MAP3K1: variants seen among roughly 807,000 people sequenced by gnomAD.
MAP3K1 encodes MAP/ERK kinase kinase 1.
A neutral mutation model predicts 144.2 loss-of-function variants in MAP3K1; 36 were observed. The ratio of observed to expected loss-of-function variants is 0.25; its 90% CI spans 0.19 to 0.33. MAP3K1 has a LOEUF of 0.33. MAP3K1 is among the 10% of genes least tolerant of loss of function. The pLI is 1.00. For synonymous variants in MAP3K1, 718 were observed against 688.7 expected, an observed-to-expected ratio of 1.04 and a Z score of -0.67; for missense variants, 1,650 against 1,881.9, an observed-to-expected ratio of 0.88 and a Z score of 2.28.
At position 56,895,576 on chromosome 5, in the gene MAP3K1, A is replaced by G. The variant is rs989049827; in HGVS notation, c.*1896A>G. ...TATTACTTTGTAGATCACCATGCCC[A>G]CCACATTTCAAACTCAAACTATCTG... On this transcript the variant is annotated 3_prime_UTR_variant, in exon 20 of 20. Coordinates refer to ENST00000399503, the MANE Select transcript of MAP3K1 (RefSeq NM_005921.2). The G allele has an allele frequency of 1.7e-5, 4 of 232,258 alleles. No individual in the cohort carries two copies. Among genetic ancestry groups the G allele is most frequent in the Admixed American group, 5.6e-5 (1 of 17,754 alleles). The allele number at this position is 232,258 out of a possible 1,614,324, so 14.4% of individuals were successfully genotyped here.
chr5:56,845,945 T>TG (rs1287110326), intron 1 of MAP3K1, among the ~76,000 whole-genome samples: 2 of 152,180 alleles, frequency 1.3e-5, no homozygotes, highest in African/African-American at 2.4e-5. Context: ...TCTGAGTTTC[T>TG]CCCCGCAGGG....
In MAP3K1 at chr5:56,882,241, T is replaced by C; in HGVS notation, c.3041T>C (p.Ile1014Thr). Residue 1014 changes from isoleucine (I) to threonine (T), a missense_variant, in exon 14 of 20, where the codon ATA (isoleucine) becomes ACA (threonine). Coordinates refer to ENST00000399503, the MANE Select transcript of MAP3K1 (RefSeq NM_005921.2). Reference sequence around the variant, plus strand: ...CTTCAGGGATTCATTCCCTGCAGAATACCTTCTGCATCTCCTCAAACACAG... The same window carrying C: ...CTTCAGGGATTCATTCCCTGCAGAACACCTTCTGCATCTCCTCAAACACAG... The part of the protein sequence containing the change: ...HRLQGFIPCR[I>T]PSASPQTQRK... 6.2e-7 allele frequency: 1 copy of C among 1,614,008 alleles called. No homozygotes were observed. The highest frequency in any genetic ancestry group is 8.5e-7 in the Non-Finnish European group (1 of 1,179,868).
At chr5:56,855,405 A>C (rs1055170425) in intron 1 of MAP3K1, among the ~76,000 whole-genome samples, 1 of 152,180 alleles carries the variant, frequency 6.6e-6, no homozygotes, top group African/African-American at 2.4e-5. Context: ...CCTATTTGCA[A>C]GTTTCAAACC....
At chr5:56,836,746 A>G (rs144567787) in intron 1 of MAP3K1, among the ~76,000 whole-genome samples, 3 of 152,236 alleles carry the variant, frequency 2.0e-5, no homozygotes, top group South Asian at 2.1e-4. Flanking sequence ...TTTTGGCCCT[A>G]TCCATCCAGC....
At chr5:56,817,936 A>G (rs1381469731) in intron 1 of MAP3K1, among the ~76,000 whole-genome samples, 2 of 152,210 alleles carry the variant, frequency 1.3e-5, no homozygotes, top group African/African-American at 4.8e-5. Flanking sequence ...TAAGTAATCC[A>G]TGCTTAGTAT....
chr5:56,836,766 T>C (rs547363921), intron 1 of MAP3K1, among the ~76,000 whole-genome samples: 2 of 152,298 alleles, frequency 1.3e-5, no homozygotes, highest in Non-Finnish European at 2.9e-5. Context: ...CATACTTCTT[T>C]TAGGGGACTG....
At chr5:56,846,044 A>G (rs1746987983) in intron 1 of MAP3K1, among the ~76,000 whole-genome samples, 1 of 152,238 alleles carries the variant, frequency 6.6e-6, no homozygotes, top group African/African-American at 2.4e-5. Flanking sequence ...AGCAATATTT[A>G]GTCTAAGTAG....
rs1379081908 is a variant in MAP3K1 at position 56,856,728 on chromosome 5, G to A, written c.611G>A (p.Arg204Lys). ...GCCTGGAAGCACGAATGGTTGGAAA[G>A]GAGAAATAGGCGAGGGCCTGTGGTA... The part of the protein sequence containing the change: ...MPAWKHEWLE[R>K]RNRRGPVVVK... Residue 204 changes from arginine to lysine, a missense_variant, in exon 2 of 20, where the codon AGG becomes AAG. Coordinates refer to ENST00000399503, the MANE Select transcript of MAP3K1 (RefSeq NM_005921.2). 9.3e-6 allele frequency: 15 copies of A among 1,613,892 alleles called. No individual in the cohort carries two copies. Among genetic ancestry groups the A allele is most frequent in the Non-Finnish European group, 1.3e-5 (15 of 1,179,898 alleles).
In MAP3K1 at chr5:56,858,605, C is replaced by T. The variant is rs555544697; in HGVS notation, c.634-1110C>T. Among the ~76,000 whole-genome samples, 36 of 152,192 alleles carry T rather than the reference C, an allele frequency of 2.4e-4. 1 individual carries two copies. The South Asian group carries it at 7.3e-3, about 31-fold the overall frequency. On this transcript the variant is annotated intron_variant, in intron 2 of 19. Coordinates refer to ENST00000399503, the MANE Select transcript of MAP3K1 (RefSeq NM_005921.2). The stretch of plus-strand genomic sequence containing the variant: ...AAGTTGTGTCAAATCATTCTTGAAA[C>T]ATAAAGGGTAAATATCTCCAAATGG...
intron 10 of MAP3K1, among the ~76,000 whole-genome samples, chr5:56,876,604 C>T (rs1748039902): frequency 6.6e-6 from 1 of 152,206 alleles, no homozygotes; most frequent in Non-Finnish European, 1.5e-5. Flanking sequence ...AATCTGAACA[C>T]ATGATCAAGA....
At chr5:56,825,517 A>G (rs1746286284) in intron 1 of MAP3K1, among the ~76,000 whole-genome samples, 1 of 152,116 alleles carries the variant, frequency 6.6e-6, no homozygotes, top group Admixed American at 6.5e-5. Context: ...TCCAGGAGGG[A>G]CCCCTCTGCC....
At chr5:56,878,900 C>T (rs1179886638) in intron 10 of MAP3K1, 80 bp from the exon 11 acceptor site, 3 of 1,283,042 alleles carry the variant, frequency 2.3e-6, no homozygotes, top group Non-Finnish European at 3.4e-6. Flanking sequence ...TATTTTGTTG[C>T]TCAAATTGTC....
chr5:56,834,856 T>C (rs12658532), intron 1 of MAP3K1, among the ~76,000 whole-genome samples: 3,871 of 152,360 alleles, frequency 0.025, 71 homozygotes, highest in South Asian at 0.069. Flanking sequence ...TTTACTTATA[T>C]ACAGCTTTTA....
intron 5 of MAP3K1, 44 bp downstream of exon 5, chr5:56,865,500 T>A (rs1270125016): frequency 1.9e-6 from 2 of 1,078,596 alleles, no homozygotes; most frequent in East Asian, 4.7e-5. Context: ...TAGCATATTC[T>A]TAGGATATAT....
intron 1 of MAP3K1, among the ~76,000 whole-genome samples, chr5:56,843,529 TTTTGGTTTGG>T (rs1187327443): frequency 2.6e-5 from 4 of 152,174 alleles, no homozygotes; most frequent in African/African-American, 9.7e-5. Flanking sequence ...TACCAAGGTT[TTTTGGTTTGG>T]TTTGGTTTGG....
intron 1 of MAP3K1, among the ~76,000 whole-genome samples, chr5:56,850,229 A>G (rs139939060): frequency 2.0e-5 from 3 of 152,186 alleles, no homozygotes; most frequent in Non-Finnish European, 4.4e-5. Flanking sequence ...TAGTGTGTGA[A>G]TTTCTTCTGC....
intron 1 of MAP3K1, among the ~76,000 whole-genome samples, chr5:56,848,757 G>A (rs764171396): frequency 2.6e-5 from 4 of 152,054 alleles, no homozygotes; most frequent in Non-Finnish European, 5.9e-5. Flanking sequence ...CATGATTTAG[G>A]GTAAATGGAG....
At chr5:56,887,704 T>A in intron 18 of MAP3K1, 184 bp downstream of exon 18, 2 of 660,812 alleles carry the variant, frequency 3.0e-6, no homozygotes, top group Admixed American at 2.7e-5. Flanking sequence ...GCCTTGGCAA[T>A]ATTCAAAAAA....
chr5:56,842,637 T>C (rs931442148), intron 1 of MAP3K1, among the ~76,000 whole-genome samples: 25 of 152,260 alleles, frequency 1.6e-4, no homozygotes, highest in African/African-American at 5.5e-4. Flanking sequence ...GAATTAACTA[T>C]ATGTAAAAGA....
Sources: allele counts gnomAD v4.1 joint callset (sites outside exome capture counted in the v4.1 genomes callset), GRCh38; gene constraint gnomAD v4.1.1; transcripts MANE v1.5; gene names NCBI Gene and HGNC (gene_info 2026-07-23, HGNC 2026-07-21).